Variants in GDF6 observed in about 807,000 individuals in gnomAD.
GDF6 encodes growth differentiation factor 6, also known as growth/differentiation factor 6.
In GDF6, 3 loss-of-function variants were observed where a neutral mutation model predicts 32.4. That is an observed-to-expected ratio of 0.09 (90% CI 0.04 to 0.24). GDF6 has a LOEUF of 0.24. Ranked by LOEUF, GDF6 falls within the 10% of genes least tolerant of loss-of-function variation. The probability of loss-of-function intolerance (pLI) is 1.00; values close to 1 mark genes in which losing one functional copy is unlikely to be tolerated. For synonymous variants in GDF6, 296 were observed against 295.3 expected, an observed-to-expected ratio of 1.00 and a Z score of -0.03; for missense variants, 589 against 637.9, an observed-to-expected ratio of 0.92 and a Z score of 0.83.
chr8:96,147,443 T>G (rs1812505222), intron 1 of GDF6, among the ~76,000 whole-genome samples: 1 of 152,232 alleles, frequency 6.6e-6, no homozygotes, highest in Non-Finnish European at 1.5e-5. Flanking sequence ...TAGGCTTGGC[T>G]TCCTGCCTCT....
chr8:96,150,377 C>T (rs1248049150), intron 1 of GDF6, among the ~76,000 whole-genome samples: 1 of 152,230 alleles, frequency 6.6e-6, no homozygotes. Flanking sequence ...TCCCCAATCC[C>T]CAGGCAGGGA....
Position 96,145,099 on chromosome 8 carries a change from G to A in GDF6, c.832C>T (p.Leu278=), listed in dbSNP as rs2130206656. 1 of 1,522,114 alleles carries A rather than the reference G, an allele frequency of 6.6e-7. No homozygotes were observed. Among genetic ancestry groups the A allele is most frequent in the East Asian group, 2.6e-5 (1 of 38,624 alleles). The allele number at this position is 1,522,114 out of a possible 1,614,324, so 94.3% of individuals were successfully genotyped here. The change falls in exon 2 of 2, where the codon CTG becomes TTG. Residue 278 remains leucine, a synonymous_variant. Coordinates refer to ENST00000287020, the MANE Select transcript of GDF6 (RefSeq NM_001001557.4). The surrounding 1 kb of genome is among the most constrained non-coding windows in gnomAD (Gnocchi z 5.6). ...RVRPPQERAL[L]VVFTRSQRKN... is the part of the protein sequence containing the mutation. ...CGCTGGGATCTGGTGAATACCACCA[G>A]CAGGGCCCGCTCCTGGGGAGGCCGC...
chr8:96,154,148 C>G (rs942116082), intron 1 of GDF6, among the ~76,000 whole-genome samples: 2 of 152,122 alleles, frequency 1.3e-5, no homozygotes, highest in Non-Finnish European at 2.9e-5. Context: ...CCCCTGTGCC[C>G]GTCCTCTGTC....
intron 1 of GDF6, among the ~76,000 whole-genome samples, chr8:96,158,177 G>A (rs1458795226): frequency 6.6e-6 from 1 of 152,192 alleles, no homozygotes; most frequent in Non-Finnish European, 1.5e-5. Context: ...ACCGCATTCC[G>A]GGGTTGTAGC....
rs113422438 is a variant in GDF6, at chr8:96,144,285, A to G, written c.*278T>C. The G allele has an allele frequency of 2.4e-5, 12 of 495,426 alleles. No homozygotes were observed. Among genetic ancestry groups the G allele is most frequent in the African/African-American group, 1.1e-4 (5 of 45,480 alleles). The allele number at this position is 495,426 out of a possible 1,614,324, so 30.7% of individuals were successfully genotyped here. On this transcript the variant is annotated 3_prime_UTR_variant, in exon 2 of 2. Transcript: ENST00000287020. The surrounding 1 kb of genome is among the most constrained non-coding windows in gnomAD (Gnocchi z 5.1). Reference sequence around the variant, plus strand: ...GAGAGAGAGAGAGAGAGAGAGAGAGAGAGAGAAAACAGAACAAAAGAAATC... The same window carrying G: ...GAGAGAGAGAGAGAGAGAGAGAGAGGGAGAGAAAACAGAACAAAAGAAATC...
At chr8:96,148,149 T>C (rs927591225) in intron 1 of GDF6, among the ~76,000 whole-genome samples, 1 of 152,224 alleles carries the variant, frequency 6.6e-6, no homozygotes, top group Non-Finnish European at 1.5e-5. Context: ...CCCTACCCTT[T>C]CCACGTTTCA....
chr8:96,160,147 T>G, intron 1 of GDF6, 140 bp downstream of exon 1: 1 of 928,748 alleles, frequency 1.1e-6, no homozygotes, highest in Non-Finnish European at 1.8e-6. Flanking sequence ...TACTCGAGCT[T>G]GAGAAAAACA....
chr8:96,151,468 C>G (rs1454828335), intron 1 of GDF6, among the ~76,000 whole-genome samples: 1 of 152,204 alleles, frequency 6.6e-6, no homozygotes, highest in Non-Finnish European at 1.5e-5. Flanking sequence ...GCTCCAGTAT[C>G]TGTGCCACCA....
In GDF6 at chr8:96,145,301, G is replaced by C; in HGVS notation, c.630C>G (p.Ala210=). Residue 210 remains alanine (A), a synonymous_variant, in exon 2 of 2, where the codon GCC becomes GCG. Coordinates refer to ENST00000287020, the MANE Select transcript of GDF6 (RefSeq NM_001001557.4). The surrounding 1 kb of genome is among the most constrained non-coding windows in gnomAD (Gnocchi z 5.6). The part of the protein sequence containing the change: ...RTLDPQGAPP[A]GWEVFDVWQG... The stretch of plus-strand genomic sequence containing the variant: ...GCCACACGTCGAAGACTTCCCAGCC[G>C]GCCGGCGGCGCCCCCTGCGGGTCCA... 6.5e-7 allele frequency: 1 copy of C among 1,530,262 alleles called. No individual in the cohort carries two copies. The allele number at this position is 1,530,262 out of a possible 1,614,324, so 94.8% of individuals were successfully genotyped here.
In GDF6 at chr8:96,145,051, G is replaced by C. The variant is rs772882945; in HGVS notation, c.880C>G (p.Arg294Gly). 16 of 1,482,174 alleles carry C rather than the reference G, an allele frequency of 1.1e-5. No homozygotes were observed. The South Asian group carries it at 2.0e-4, about 19-fold the overall frequency. The allele number at this position is 1,482,174 out of a possible 1,614,324, so 91.8% of individuals were successfully genotyped here. The change falls in exon 2 of 2, where the codon CGC becomes GGC. Residue 294 changes from arginine to glycine, a missense_variant. By Grantham distance (125) the Arg-to-Gly change is moderately radical. Transcript: ENST00000287020. This position sits in a 1 kb window ranked among gnomAD's most constrained non-coding sequence, Gnocchi z 5.6. ...SQRKNLFAEM[R>G]EQLGSAEAAG... ...GCCTCGGCCGAGCCCAGCTGCTCGC[G>C]CATCTCTGCGAACAGGTTCTTGCGC...
intron 1 of GDF6, among the ~76,000 whole-genome samples, chr8:96,147,952 T>C (rs1032022267): frequency 1.3e-4 from 20 of 152,228 alleles, no homozygotes; most frequent in African/African-American, 4.3e-4. Flanking sequence ...GATTTACTTC[T>C]CTCTCATGCA....
At position 96,145,037 on chromosome 8, in the gene GDF6, GCCCAGC is replaced by G; in HGVS notation, c.888_893del (p.Gln296_Gly298delinsHis). 6.8e-7 allele frequency: 1 copy of G among 1,463,228 alleles called. No individual in the cohort carries two copies. The highest frequency in any genetic ancestry group is 9.0e-7 in the Non-Finnish European group (1 of 1,112,382). 90.6% of individuals were successfully genotyped at this position (1,463,228 alleles called of 1,614,324 possible). A position where few individuals can be genotyped will look rare whatever the true frequency, so the allele number is the denominator to read the frequency against. On this transcript the variant is annotated inframe_deletion, in exon 2 of 2. Transcript: ENST00000287020. The surrounding 1 kb of genome is among the most constrained non-coding windows in gnomAD (Gnocchi z 5.6). ...CGCCCGGGCCCGCAGCCTCGGCCGA[GCCCAGC>G]TGCTCGCGCATCTCTGCGAACAGGT... is the stretch of plus-strand genomic sequence containing the variant.
At chr8:96,157,278 G>A (rs902234774) in intron 1 of GDF6, among the ~76,000 whole-genome samples, 13 of 152,112 alleles carry the variant, frequency 8.5e-5, no homozygotes, top group Non-Finnish European at 7.4e-5. Context: ...GCCTGGGATG[G>A]AGTACAGAAC....
intron 1 of GDF6, among the ~76,000 whole-genome samples, chr8:96,153,759 TG>T (rs965072083): frequency 2.6e-5 from 4 of 152,102 alleles, no homozygotes; most frequent in Non-Finnish European, 5.9e-5. Context: ...GGGTTCAAAC[TG>T]GCTTGTAGTC....
chr8:96,144,264 G>GAGAGAGAGAGAC lies in GDF6; in HGVS notation c.*298_*299insGTCTCTCTCTCT, dbSNP rs1336495284. 3 of 437,700 alleles carry GAGAGAGAGAGAC rather than the reference G, an allele frequency of 6.9e-6. No individual in the cohort carries two copies. The highest frequency in any genetic ancestry group is 8.4e-6 in the Non-Finnish European group (2 of 238,388). 27.1% of individuals were successfully genotyped at this position (437,700 alleles called of 1,614,324 possible). ...AGTAATAGAGAGAGAGAGAGAGAGA[G>GAGAGAGAGAGAC]AGAGAGAGAGAGAGAGAGAGAGAGA... On this transcript the variant is annotated 3_prime_UTR_variant, in exon 2 of 2. Coordinates refer to ENST00000287020, the MANE Select transcript of GDF6 (RefSeq NM_001001557.4). The surrounding 1 kb of genome is among the most constrained non-coding windows in gnomAD (Gnocchi z 5.1).
rs780563975 is a variant in GDF6, at chr8:96,160,294, C to G, written c.399G>C (p.Arg133Ser). The change falls in exon 1 of 2, where the codon AGG (arginine) becomes AGC (serine). Residue 133 changes from arginine (R) to serine (S), a missense_variant. Coordinates refer to ENST00000287020, the MANE Select transcript of GDF6 (RefSeq NM_001001557.4). ...SANTITSFVDRGLDDLSHTPL... is the reference protein window; with the variant it reads ...SANTITSFVDSGLDDLSHTPL... ...GTTTTCTTTGCCACTTACCTAGTCC[C>G]CTGTCTACAAAGCTGGTGATCGTAT... 2 of 1,614,266 alleles carry G rather than the reference C, an allele frequency of 1.2e-6. No individual in the cohort carries two copies. The highest frequency in any genetic ancestry group is 1.7e-6 in the Non-Finnish European group (2 of 1,180,044).
Position 96,143,973 on chromosome 8 carries a change from T to C in GDF6, c.*590A>G. ...GCAGGACCATTCCTGACTTAACTAT[T>C]CTTTTTGCCAATTTCCCTATCTAAC... is the stretch of plus-strand genomic sequence containing the variant. On this transcript the variant is annotated 3_prime_UTR_variant, in exon 2 of 2. Transcript: ENST00000287020. 1 of 160,646 alleles carries C rather than the reference T, an allele frequency of 6.2e-6. No homozygotes were observed. The highest frequency in any genetic ancestry group is 1.4e-5 in the Non-Finnish European group (1 of 72,392). The allele number at this position is 160,646 out of a possible 1,614,324, so 10.0% of individuals were successfully genotyped here.
Position 96,144,624 on chromosome 8 carries a change from C to T in GDF6, c.1307G>A (p.Gly436Asp). Residue 436 changes from glycine to aspartate, a missense_variant, in exon 2 of 2, where the codon GGC (glycine) becomes GAC (aspartate). Transcript: ENST00000287020. This position sits in a 1 kb window ranked among gnomAD's most constrained non-coding sequence, Gnocchi z 5.1. Reference protein sequence around the residue: ...TPISILYIDAGNNVVYKQYED... With the variant: ...TPISILYIDADNNVVYKQYED... ...GTACTGCTTGTAGACCACATTATTG[C>T]CCGCGTCGATGTATAGAATGCTGAT... 6.2e-7 allele frequency: 1 copy of T among 1,613,994 alleles called. No homozygotes were observed. Among genetic ancestry groups the T allele is most frequent in the Non-Finnish European group, 8.5e-7 (1 of 1,179,966 alleles).
chr8:96,145,246 G>T lies in GDF6; in HGVS notation c.685C>A (p.Leu229Met), dbSNP rs1225508146. The change falls in exon 2 of 2, where the codon CTG becomes ATG. Residue 229 changes from leucine to methionine, a missense_variant. Coordinates refer to ENST00000287020, the MANE Select transcript of GDF6 (RefSeq NM_001001557.4). The surrounding 1 kb of genome is among the most constrained non-coding windows in gnomAD (Gnocchi z 5.6). ...QGLRHQPWKQ[L>M]CLELRAAWGE... ...CATGCGGCCCGCAGCTCCAAGCACAGCTGCTTCCAGGGCTGGTGGCGCAGG... is the reference window on the plus strand; with the variant it reads ...CATGCGGCCCGCAGCTCCAAGCACATCTGCTTCCAGGGCTGGTGGCGCAGG... 6.6e-7 allele frequency: 1 copy of T among 1,524,978 alleles called. No homozygotes were observed. The highest frequency in any genetic ancestry group is 1.2e-5 in the South Asian group (1 of 83,120). The allele number at this position is 1,524,978 out of a possible 1,614,324, so 94.5% of individuals were successfully genotyped here.
Sources: gnomAD v4.1 joint callset for allele counts (sites outside exome capture counted in the v4.1 genomes callset) on GRCh38, gnomAD v4.1.1 for gene constraint, Gnocchi (gnomAD v3.1) non-coding constraint, MANE v1.5 for transcripts, NCBI Gene and HGNC (gene_info 2026-07-23, HGNC 2026-07-21) for gene names.